Variants in CMPK2 observed in about 807,000 individuals in gnomAD.
The protein encoded by CMPK2 is UMP-CMP kinase 2, mitochondrial.
A neutral mutation model predicts 33.4 loss-of-function variants in CMPK2; 32 were observed. The ratio of observed to expected loss-of-function variants is 0.96; its 90% confidence interval spans 0.72 to 1.29. The LOEUF is 1.29. Among genes scored for constraint, CMPK2 ranks in the 50% most tolerant of loss-of-function variants. The probability of loss-of-function intolerance (pLI) is 0.00; values close to 1 mark genes in which losing one functional copy is unlikely to be tolerated. For missense variants in CMPK2, 672 were observed against 616.0 expected, an observed-to-expected ratio of 1.09 and a Z score of -0.96; for synonymous variants, 299 against 275.3, an observed-to-expected ratio of 1.09 and a Z score of -0.85.
At chr2:6,853,110 C>T (rs146031005) in intron 3 of CMPK2, among the ~76,000 whole-genome samples, 342 of 152,128 alleles carry the variant, frequency 2.2e-3, no homozygotes, top group African/African-American at 7.9e-3. Flanking sequence ...CCACCACGCC[C>T]GGCTAATTTT....
At chr2:6,859,330 T>G (rs990977609) in intron 3 of CMPK2, among the ~76,000 whole-genome samples, 8 of 152,162 alleles carry the variant, frequency 5.3e-5, no homozygotes, top group African/African-American at 1.9e-4. Flanking sequence ...GCTGCAGAAG[T>G]TTGCATAAGC....
Position 6,849,362 on chromosome 2 carries a change from G to A in CMPK2, c.*488C>T, listed in dbSNP as rs186810732. The A allele has an allele frequency of 2.9e-4, 290 of 986,424 alleles. No homozygotes were observed. In the East Asian group the frequency reaches 0.011, roughly 39 times the overall value. 61.1% of individuals were successfully genotyped at this position (986,424 alleles called of 1,614,324 possible). On this transcript the variant is annotated 3_prime_UTR_variant, in exon 5 of 5. Transcript: ENST00000256722. ...AGGAACACTTGGCTCTAGAATTTGG[G>A]ACTGAGGGAGATGCAGCGAGCCCAT... is the stretch of plus-strand genomic sequence containing the variant.
intron 3 of CMPK2, among the ~76,000 whole-genome samples, chr2:6,855,196 C>T (rs1662649273): frequency 6.6e-6 from 1 of 151,224 alleles, no homozygotes; most frequent in Non-Finnish European, 1.5e-5. Context: ...GGAGATGAGG[C>T]CCTGTGGGAG....
rs191541329 is a variant in CMPK2, at chr2:6,865,848, C to T, written c.-152G>A. The T allele has an allele frequency of 8.8e-5, 114 of 1,291,084 alleles. No homozygotes were observed. Among genetic ancestry groups the T allele is most frequent in the Middle Eastern group, 3.0e-4 (1 of 3,286 alleles). 80.0% of individuals were successfully genotyped at this position (1,291,084 alleles called of 1,614,324 possible). A position where few individuals can be genotyped will look rare whatever the true frequency, so the allele number is the denominator to read the frequency against. ...GGGAAACGAAAGCCGGAGGCCCAGG[C>T]GGGGCAGGAGCCCTGGGGCTGGGGC... On this transcript the variant is annotated 5_prime_UTR_variant, in exon 1 of 5. Transcript: ENST00000256722.
chr2:6,856,495 A>C (rs1024413857), intron 3 of CMPK2, among the ~76,000 whole-genome samples: 5 of 152,198 alleles, frequency 3.3e-5, no homozygotes, highest in African/African-American at 1.2e-4. Flanking sequence ...AAATTCCTTG[A>C]GATTTACATT....
At chr2:6,863,894 T>C (rs1193720954) in intron 1 of CMPK2, among the ~76,000 whole-genome samples, 1 of 152,244 alleles carries the variant, frequency 6.6e-6, no homozygotes, top group Non-Finnish European at 1.5e-5. Flanking sequence ...ACCATGGAAC[T>C]ACAGGCCCGC....
In CMPK2 at chr2:6,865,076, C is replaced by T. The variant is rs753802057; in HGVS notation, c.621G>A (p.Leu207=). 2 of 1,477,260 alleles carry T rather than the reference C, an allele frequency of 1.4e-6. No individual in the cohort carries two copies. Among genetic ancestry groups the T allele is most frequent in the Non-Finnish European group, 1.8e-6 (2 of 1,113,986 alleles). 91.5% of individuals were successfully genotyped at this position (1,477,260 alleles called of 1,614,324 possible). A position where few individuals can be genotyped will look rare whatever the true frequency, so the allele number is the denominator to read the frequency against. ...EPPLHPVVPD[L]PSSVVFPDRE... ...GGTCCGGGAAGACCACGGAACTGGG[C>T]AAGTCTGGCACCACCGGGTGCAGCG... The change falls in exon 1 of 5, where the codon TTG becomes TTA. Residue 207 remains leucine, a synonymous_variant. Transcript: ENST00000256722.
At chr2:6,859,157 G>A (rs557875340) in intron 3 of CMPK2, among the ~76,000 whole-genome samples, 1 of 152,324 alleles carries the variant, frequency 6.6e-6, no homozygotes, top group African/African-American at 2.4e-5. Context: ...TAGGGTAACT[G>A]GTGGAAGAAA....
At chr2:6,843,453 G>A (rs1210195407), downstream of CMPK2, among the ~76,000 whole-genome samples, 1 of 152,100 alleles carries the variant, frequency 6.6e-6, no homozygotes, top group Non-Finnish European at 1.5e-5. Context: ...ATTAATGATG[G>A]CTTAAAGTCC....
At position 6,865,588 on chromosome 2, in the gene CMPK2, G is replaced by A. The variant is rs1663053351; in HGVS notation, c.109C>T (p.Leu37Phe). 1 of 1,385,520 alleles carries A rather than the reference G, an allele frequency of 7.2e-7. No individual in the cohort carries two copies. The highest frequency in any genetic ancestry group is 1.6e-5 in the South Asian group (1 of 64,332). 85.8% of individuals were successfully genotyped at this position (1,385,520 alleles called of 1,614,324 possible). Residue 37 changes from leucine to phenylalanine, a missense_variant, in exon 1 of 5, where the codon CTT becomes TTT. Physicochemically the swap from Leu to Phe is conservative, Grantham distance 22. Coordinates refer to ENST00000256722, the MANE Select transcript of CMPK2 (RefSeq NM_207315.4). ...AAGTGAGCCAGGGTGCAGTCGGGAA[G>A]CTCCAGGACGAAGCGGCGCGGCGGA... ...MAPPRRFVLE[L>F]PDCTLAHFAL...
At chr2:6,863,327 G>A in intron 2 of CMPK2, 137 bp downstream of exon 2, 1 of 677,586 alleles carries the variant, frequency 1.5e-6, no homozygotes. Context: ...CCCAGGGCCT[G>A]CCTAGCACAG....
At chr2:6,855,595 C>A (rs1662662794) in intron 3 of CMPK2, among the ~76,000 whole-genome samples, 1 of 152,168 alleles carries the variant, frequency 6.6e-6, no homozygotes, top group African/African-American at 2.4e-5. Context: ...CCAGGCAAAG[C>A]CTTCCCATAA....
At chr2:6,864,629 C>T (rs973922632) in intron 1 of CMPK2, among the ~76,000 whole-genome samples, 1 of 152,176 alleles carries the variant, frequency 6.6e-6, no homozygotes, top group African/African-American at 2.4e-5. Flanking sequence ...GTCTAAATTT[C>T]TTAAACCCCC....
chr2:6,843,800 TG>T (rs370523017), downstream of CMPK2, among the ~76,000 whole-genome samples: 258 of 152,302 alleles, frequency 1.7e-3, no homozygotes, highest in African/African-American at 5.9e-3. Flanking sequence ...ACATTCACCA[TG>T]GTTGTGATAT....
chr2:6,845,332 C>T (rs1174548152), downstream of CMPK2, among the ~76,000 whole-genome samples: 2 of 152,098 alleles, frequency 1.3e-5, no homozygotes, highest in Non-Finnish European at 2.9e-5. Context: ...AGAATGCACT[C>T]GAGGAGATTA....
chr2:6,843,206 T>C (rs1662274004), intron 3 of CMPK2, among the ~76,000 whole-genome samples: 1 of 152,150 alleles, frequency 6.6e-6, no homozygotes, highest in South Asian at 2.1e-4. Flanking sequence ...GGAGGTGCAA[T>C]AGCATGCAGA....
At chr2:6,847,949 A>C (rs1662401797), downstream of CMPK2, among the ~76,000 whole-genome samples, 1 of 152,140 alleles carries the variant, frequency 6.6e-6, no homozygotes, top group South Asian at 2.1e-4. Context: ...CAGGAACAAA[A>C]CCAAAGCTCG....
Position 6,843,226 on chromosome 2 carries a change from C to T in CMPK2, c.993-2548G>A, listed in dbSNP as rs750641066. Among the ~76,000 whole-genome samples the T allele has an allele frequency of 4.6e-5, 7 of 152,248 alleles. No homozygotes were observed. In the South Asian group the frequency reaches 6.2e-4, roughly 14 times the overall value. On this transcript the variant is annotated intron_variant, in intron 3 of 3. Coordinates refer to the CMPK2 transcript ENST00000458098. ...TGCAATAGCATGCAGAAAAAGACTT[C>T]CTTTAGGTCCCACACTGTGAACCAT...
In CMPK2 at chr2:6,865,552, C is replaced by A. The variant is rs763159971; in HGVS notation, c.145G>T (p.Ala49Ser). ...GCGTCTGCGTCGCCGGGGGCGTCGG[C>A]GCCTAGGGCGAAGTGAGCCAGGGTG... ...DCTLAHFALGADAPGDADAPD... is the reference protein window; with the variant it reads ...DCTLAHFALGSDAPGDADAPD... The change falls in exon 1 of 5, where the codon GCC becomes TCC. Residue 49 changes from alanine to serine, a missense_variant. By Grantham distance (99) the Ala-to-Ser change is moderately conservative. Coordinates refer to ENST00000256722, the MANE Select transcript of CMPK2 (RefSeq NM_207315.4). The A allele has an allele frequency of 1.8e-5, 24 of 1,320,162 alleles. 1 individual carries two copies. The South Asian group carries it at 4.5e-4, about 25-fold the overall frequency. The allele number at this position is 1,320,162 out of a possible 1,614,324, so 81.8% of individuals were successfully genotyped here.
Sources: gnomAD v4.1 joint callset for allele counts (sites outside exome capture counted in the v4.1 genomes callset) on GRCh38, gnomAD v4.1.1 for gene constraint, MANE v1.5 for transcripts, NCBI Gene and HGNC (gene_info 2026-07-23, HGNC 2026-07-21) for gene names.